Variants in LRRC8B observed in about 807,000 individuals in gnomAD.
The protein encoded by LRRC8B is leucine rich repeat containing 8 VRAC subunit B, also known as volume-regulated anion channel subunit LRRC8B.
In LRRC8B, 23 loss-of-function variants were observed where a neutral mutation model predicts 58.8. The observed-to-expected ratio is 0.39, with a 90% CI of 0.28 to 0.55. The LOEUF is 0.55. LRRC8B is among the 20% of genes least tolerant of loss of function. The pLI, the probability that LRRC8B is intolerant of heterozygous loss-of-function variation, is 0.62. For synonymous variants in LRRC8B, 359 were observed against 374.1 expected (o/e 0.96, Z 0.47); for missense variants, 694 against 936.0 (o/e 0.74, Z 3.37).
chr1:89,594,090 T>G lies in LRRC8B; in HGVS notation c.*1047T>G, dbSNP rs1169737580. 6.6e-6 allele frequency: 1 copy of G among 152,184 alleles called. No individual in the cohort carries two copies. Among genetic ancestry groups the G allele is most frequent in the African/African-American group, 2.4e-5 (1 of 41,454 alleles). 9.4% of individuals were successfully genotyped at this position (152,184 alleles called of 1,614,324 possible). A position where few individuals can be genotyped will look rare whatever the true frequency, so the allele number is the denominator to read the frequency against. On this transcript the variant is annotated 3_prime_UTR_variant, in exon 6 of 6. Transcript: ENST00000330947. The stretch of plus-strand genomic sequence containing the variant: ...AAGGCCTTTTTTTATTTGTTAAGAA[T>G]TTTTATATTAAATGTAAAACATATA...
At chr1:89,561,919 C>T (rs976973829) in intron 1 of LRRC8B, among the ~76,000 whole-genome samples, 1 of 152,060 alleles carries the variant, frequency 6.6e-6, no homozygotes, top group African/African-American at 2.4e-5. Context: ...TGTTTGTCTC[C>T]TTTTATATGC....
intron 1 of LRRC8B, among the ~76,000 whole-genome samples, chr1:89,546,477 A>T (rs1651414274): frequency 1.3e-5 from 2 of 152,192 alleles, no homozygotes; most frequent in African/African-American, 4.8e-5. Flanking sequence ...AGAGTAACTC[A>T]CATCTTCTTA....
chr1:89,584,342 G>A lies in LRRC8B; in HGVS notation c.1692G>A (p.Gln564=). Residue 564 remains glutamine, a synonymous_variant, in exon 5 of 6, where the codon CAG becomes CAA. Transcript: ENST00000330947. ...TTACAGACCTCCTGCCTTCATTGCA[G>A]AAACTGTCCCTTGATAATGAGGGAA... ...QVVTDLLPSL[Q]KLSLDNEGSK... is the part of the protein sequence containing the mutation. The A allele has an allele frequency of 6.2e-7, 1 of 1,614,152 alleles. No homozygotes were observed. The highest frequency in any genetic ancestry group is 8.5e-7 in the Non-Finnish European group (1 of 1,180,028).
intron 1 of LRRC8B, among the ~76,000 whole-genome samples, chr1:89,545,177 T>C (rs2100862412): frequency 1.3e-5 from 2 of 152,322 alleles, no homozygotes; most frequent in East Asian, 3.9e-4. Context: ...TTTTTTCCTG[T>C]TGGGAGTTTA....
Position 89,582,980 on chromosome 1 carries a change from C to G in LRRC8B, c.330C>G (p.Tyr110Ter). ...QQYSYIDAVCYEKQLHWFAKF... is the reference protein window; with the variant it reads ...QQYSYIDAVC ...ACTCCTATATTGATGCCGTCTGTTACGAGAAACAGCTCCATTGGTTTGCAA... is the reference window on the plus strand; with the variant it reads ...ACTCCTATATTGATGCCGTCTGTTAGGAGAAACAGCTCCATTGGTTTGCAA... Residue 110 changes from tyrosine (Y) to a stop codon, truncating the protein, a stop_gained, in exon 5 of 6, where the codon TAC (tyrosine) becomes TAG (stop). Transcript: ENST00000330947. LOFTEE classifies it high-confidence loss of function. The G allele has an allele frequency of 6.2e-7, 1 of 1,614,202 alleles. No homozygotes were observed. Among genetic ancestry groups the G allele is most frequent in the Non-Finnish European group, 8.5e-7 (1 of 1,180,034 alleles).
chr1:89,588,660 G>A (rs1259662847), intron 5 of LRRC8B, among the ~76,000 whole-genome samples: 2 of 152,216 alleles, frequency 1.3e-5, no homozygotes, highest in African/African-American at 2.4e-5. Flanking sequence ...GCCTGAACTG[G>A]TACCTTCAAA....
chr1:89,571,517 G>A (rs1653474939), intron 3 of LRRC8B, among the ~76,000 whole-genome samples: 1 of 152,124 alleles, frequency 6.6e-6, no homozygotes, highest in Non-Finnish European at 1.5e-5. Flanking sequence ...TTGGTGTATA[G>A]GAATGCTAGT....
intron 1 of LRRC8B, among the ~76,000 whole-genome samples, chr1:89,558,180 G>A (rs1418195351): frequency 6.6e-6 from 1 of 152,144 alleles, no homozygotes; most frequent in Non-Finnish European, 1.5e-5. Context: ...GCATCCTGTT[G>A]TCATGTTTGC....
intron 5 of LRRC8B, among the ~76,000 whole-genome samples, chr1:89,590,049 T>C (rs778108951): frequency 2.0e-5 from 3 of 152,194 alleles, no homozygotes; most frequent in Non-Finnish European, 4.4e-5. Flanking sequence ...TTGTAGTTTA[T>C]TCCATAAAAC....
At chr1:89,585,772 A>C (rs530650267) in intron 5 of LRRC8B, among the ~76,000 whole-genome samples, 1 of 152,186 alleles carries the variant, frequency 6.6e-6, no homozygotes, top group Non-Finnish European at 1.5e-5. Context: ...TCCACCACTC[A>C]AGCACTCAAG....
At position 89,572,281 on chromosome 1, in the gene LRRC8B, T is replaced by G. The variant is rs888221151; in HGVS notation, c.-125+3788T>G. ...GTCTAGCTGCCTATTTAACATTTTG[T>G]CTTTCATTTCAACCTTAGATAATCT... On this transcript the variant is annotated intron_variant, in intron 3 of 5. Coordinates refer to ENST00000330947, the MANE Select transcript of LRRC8B (RefSeq NM_001369817.2). Among the ~76,000 whole-genome samples, 6 of 152,204 alleles carry G rather than the reference T, an allele frequency of 3.9e-5. No individual in the cohort carries two copies. The East Asian group carries it at 7.7e-4, about 20-fold the overall frequency.
At chr1:89,564,770 TA>T (rs1652925760) in intron 1 of LRRC8B, among the ~76,000 whole-genome samples, 1 of 152,160 alleles carries the variant, frequency 6.6e-6, no homozygotes, top group African/African-American at 2.4e-5. Flanking sequence ...CCCTAAATGC[TA>T]AAGAAGCATG....
rs1198991738 is a variant in LRRC8B at position 89,584,309 on chromosome 1, A to G, written c.1659A>G (p.Pro553=). Residue 553 remains proline (P), a synonymous_variant, in exon 5 of 6, where the codon CCA becomes CCG. Coordinates refer to ENST00000330947, the MANE Select transcript of LRRC8B (RefSeq NM_001369817.2). ...LYLKSSLSRI[P]QVVTDLLPSL... ...TGAAGAGCAGCCTCTCCCGGATCCC[A>G]CAAGTTGTTACAGACCTCCTGCCTT... 1 of 1,614,002 alleles carries G rather than the reference A, an allele frequency of 6.2e-7. No individual in the cohort carries two copies. Among genetic ancestry groups the G allele is most frequent in the East Asian group, 2.2e-5 (1 of 44,890 alleles).
At chr1:89,549,694 T>G (rs1047959594) in intron 1 of LRRC8B, among the ~76,000 whole-genome samples, 1 of 152,222 alleles carries the variant, frequency 6.6e-6, no homozygotes, top group African/African-American at 2.4e-5. Context: ...TTCAGTCATC[T>G]TCATAAAAAA....
chr1:89,579,848 A>G (rs1654097797), intron 4 of LRRC8B, among the ~76,000 whole-genome samples, 160 bp downstream of exon 4: 1 of 152,208 alleles, frequency 6.6e-6, no homozygotes, highest in Admixed American at 6.5e-5. Flanking sequence ...TTTAATTCTC[A>G]GGACCTTTGA....
intron 1 of LRRC8B, among the ~76,000 whole-genome samples, chr1:89,562,990 G>A (rs1445478376): frequency 6.6e-6 from 1 of 152,038 alleles, no homozygotes; most frequent in Non-Finnish European, 1.5e-5. Context: ...AGTTATTATG[G>A]TAACCTATGA....
intron 1 of LRRC8B, among the ~76,000 whole-genome samples, chr1:89,532,244 A>G (rs1296893354): frequency 6.6e-6 from 1 of 152,100 alleles, no homozygotes; most frequent in African/African-American, 2.4e-5. Context: ...TTGCTTGTTT[A>G]TGCTCTATTC....
intron 1 of LRRC8B, among the ~76,000 whole-genome samples, chr1:89,534,366 A>G (rs927157247): frequency 6.6e-6 from 1 of 152,192 alleles, no homozygotes; most frequent in African/African-American, 2.4e-5. Context: ...CGTTTAAGAA[A>G]CGTATAAATA....
intron 1 of LRRC8B, among the ~76,000 whole-genome samples, chr1:89,561,786 T>C (rs1466788287): frequency 6.7e-6 from 1 of 148,996 alleles, no homozygotes; most frequent in East Asian, 2.0e-4. Flanking sequence ...TTTTGGTTAC[T>C]GTAGCCTTGT....
Sources: allele counts gnomAD v4.1 joint callset (sites outside exome capture counted in the v4.1 genomes callset), GRCh38; gene constraint gnomAD v4.1.1; transcripts MANE v1.5; gene names NCBI Gene and HGNC (gene_info 2026-07-23, HGNC 2026-07-21).